The following MSI2 variants were observed in gnomAD, a reference collection of about 807,000 sequenced individuals.
MSI2 encodes the protein RNA-binding protein Musashi homolog 2.
MSI2 carries 17 observed loss-of-function variants against 45.6 expected under a neutral mutation model. That is an observed-to-expected ratio of 0.37 (90% CI 0.26 to 0.56). MSI2 has a LOEUF of 0.56. Among genes scored for constraint, MSI2 ranks in the 20% least tolerant of loss-of-function variants. The pLI is 0.77. For missense variants in MSI2, 293 were observed against 444.2 expected, an observed-to-expected ratio of 0.66 and a Z score of 3.06; for synonymous variants, 156 against 158.2, an observed-to-expected ratio of 0.99 and a Z score of 0.11.
chr17:57,295,991 CCTTTTTTTT>C (rs1280988464), intron 5 of MSI2, among the ~76,000 whole-genome samples: 39 of 58,116 alleles, frequency 6.7e-4, no homozygotes, highest in African/African-American at 2.1e-3. Context: ...ACGCAGCCTT[CCTTTTTTTT>C]TTTTTTTTTT....
chr17:57,415,238 C>T (rs898669925), intron 6 of MSI2, among the ~76,000 whole-genome samples: 1 of 152,180 alleles, frequency 6.6e-6, no homozygotes, highest in African/African-American at 2.4e-5. Flanking sequence ...GGTCCAACAA[C>T]ATTAAGCCAC....
chr17:57,698,431 G>A, the MSI2 span, among the ~76,000 whole-genome samples: 1 of 152,162 alleles, frequency 6.6e-6, no homozygotes, highest in East Asian at 1.9e-4. Flanking sequence ...AGCTATGTGA[G>A]GCTGAGCCTC....
intron 6 of MSI2, among the ~76,000 whole-genome samples, chr17:57,461,610 A>T (rs1331308338): frequency 6.6e-6 from 1 of 150,474 alleles, no homozygotes; most frequent in Non-Finnish European, 1.5e-5. Flanking sequence ...ATCTCAGCTG[A>T]CAGCAACCTC....
chr17:57,305,385 C>T (rs1365996140), intron 5 of MSI2, among the ~76,000 whole-genome samples: 1 of 152,150 alleles, frequency 6.6e-6, no homozygotes, highest in Non-Finnish European at 1.5e-5. Flanking sequence ...TAGTAACACA[C>T]ACTCACCCGG....
chr17:57,629,446 TAAG>T (rs1355605712), intron 10 of MSI2: 5 of 152,018 alleles, frequency 3.3e-5, no homozygotes, highest in Non-Finnish European at 5.9e-5. Context: ...AGAAGAAGAA[TAAG>T]AAGAAGTAAA....
intron 5 of MSI2, chr17:57,264,083 A>G (rs1907558079): frequency 6.6e-6 from 1 of 152,170 alleles, no homozygotes. Context: ...GTTTTTGTGT[A>G]GAGTAAAAGA....
intron 5 of MSI2, among the ~76,000 whole-genome samples, chr17:57,314,626 C>A (rs918550519): frequency 2.5e-4 from 33 of 131,010 alleles, no homozygotes; most frequent in Middle Eastern, 6.4e-3. Context: ...GGCTGGAGTG[C>A]AGTGGCGCGA....
chr17:57,292,193 T>C (rs887381337), intron 5 of MSI2, among the ~76,000 whole-genome samples: 1 of 151,612 alleles, frequency 6.6e-6, no homozygotes, highest in Non-Finnish European at 1.5e-5. Context: ...GAGGGGAGGC[T>C]GGACTGGTGA....
At chr17:57,624,519 C>T (rs1908611308) in intron 9 of MSI2, among the ~76,000 whole-genome samples, 1 of 152,182 alleles carries the variant, frequency 6.6e-6, no homozygotes. Context: ...CTTCTTTCTC[C>T]GTCGGGTTGC....
intron 6 of MSI2, among the ~76,000 whole-genome samples, chr17:57,461,454 T>C (rs1370973503): frequency 6.6e-6 from 1 of 151,744 alleles, no homozygotes; most frequent in Non-Finnish European, 1.5e-5. Context: ...GCAGAGGGAA[T>C]GTGCAGGGAA....
At chr17:57,699,698 T>A in the MSI2 span, among the ~76,000 whole-genome samples, 2 of 152,160 alleles carry the variant, frequency 1.3e-5, no homozygotes, top group Non-Finnish European at 2.9e-5. Flanking sequence ...AAAGCAATAG[T>A]CCAAATAGAC....
chr17:57,400,187 T>A (rs1178455449), intron 5 of MSI2, among the ~76,000 whole-genome samples: 1 of 152,146 alleles, frequency 6.6e-6, no homozygotes, highest in Non-Finnish European at 1.5e-5. Context: ...TTTATTTTCT[T>A]GATTTTGGCT....
intron 5 of MSI2, among the ~76,000 whole-genome samples, chr17:57,399,281 A>T (rs889235165): frequency 6.6e-6 from 1 of 152,230 alleles, no homozygotes; most frequent in African/African-American, 2.4e-5. Flanking sequence ...AGGTGAAAAA[A>T]CAGTCAATCC....
chr17:57,333,381 C>CT (rs1261674519), intron 5 of MSI2, among the ~76,000 whole-genome samples: 1 of 151,818 alleles, frequency 6.6e-6, no homozygotes, highest in Non-Finnish European at 1.5e-5. Context: ...CCAGCTCTGA[C>CT]TTTTTTACAG....
chr17:57,489,469 C>T (rs1160205733), intron 6 of MSI2, among the ~76,000 whole-genome samples: 1 of 152,206 alleles, frequency 6.6e-6, no homozygotes, highest in East Asian at 1.9e-4. Context: ...AGCCAAATGG[C>T]CCTGGGGTTC....
At chr17:57,420,194 G>A (rs1378142424) in intron 6 of MSI2, among the ~76,000 whole-genome samples, 1 of 152,190 alleles carries the variant, frequency 6.6e-6, no homozygotes, top group South Asian at 2.1e-4. Flanking sequence ...CATTTTATCA[G>A]CATCTTTCTC....
chr17:57,398,107 C>T (rs976450421), intron 5 of MSI2, among the ~76,000 whole-genome samples: 3 of 152,022 alleles, frequency 2.0e-5, no homozygotes, highest in Non-Finnish European at 4.4e-5. Flanking sequence ...TATAAGGCAA[C>T]GGTGGAGGGT....
rs542222944 is a variant in MSI2, at chr17:57,558,967, C to T, written c.454+29243C>T. Among the ~76,000 whole-genome samples, 176 of 152,152 alleles carry T rather than the reference C, an allele frequency of 1.2e-3. 1 individual carries two copies. The highest frequency in any genetic ancestry group is 6.8e-3 in the Middle Eastern group (2 of 294). Reference sequence around the variant, plus strand: ...AACCCCACTACTCGGGAGGCTGAGGCGGGAGAATCACTTGAACCCAGGAGG... The same window carrying T: ...AACCCCACTACTCGGGAGGCTGAGGTGGGAGAATCACTTGAACCCAGGAGG... On this transcript the variant is annotated intron_variant, in intron 7 of 13. Transcript: ENST00000284073.
intron 6 of MSI2, among the ~76,000 whole-genome samples, chr17:57,504,031 G>A (rs1332138684): frequency 6.6e-6 from 1 of 152,164 alleles, no homozygotes; most frequent in Non-Finnish European, 1.5e-5. Flanking sequence ...CACCGCGCCC[G>A]GCCGGGAGAG....
Sources: gnomAD v4.1 joint callset for allele counts (sites outside exome capture counted in the v4.1 genomes callset) on GRCh38, gnomAD v4.1.1 for gene constraint, MANE v1.5 for transcripts, NCBI Gene and HGNC (gene_info 2026-07-23, HGNC 2026-07-21) for gene names.